KCNH8: variants seen among roughly 807,000 people sequenced by gnomAD.
KCNH8 encodes voltage-gated delayed rectifier potassium channel KCNH8.
Under a neutral mutation model 103.6 loss-of-function variants are expected in KCNH8, and 70 were observed. The observed-to-expected ratio is 0.68, with a 90% CI of 0.56 to 0.82. KCNH8 has a LOEUF of 0.82. Among genes scored for constraint, KCNH8 ranks in the 40% least tolerant of loss-of-function variants. The pLI is 0.00. For missense variants in KCNH8, 1,217 were observed against 1,329.9 expected, an observed-to-expected ratio of 0.92 and a Z score of 1.32; for synonymous variants, 498 against 489.4, an observed-to-expected ratio of 1.02 and a Z score of -0.23.
At chr3:19,431,565 T>G (rs1420948304) in intron 7 of KCNH8, among the ~76,000 whole-genome samples, 1 of 152,208 alleles carries the variant, frequency 6.6e-6, no homozygotes, top group African/African-American at 2.4e-5. Flanking sequence ...GTACCAGCTC[T>G]TCTTTGTACA....
chr3:19,167,749 C>T (rs1016794311), intron 1 of KCNH8, among the ~76,000 whole-genome samples: 5 of 152,140 alleles, frequency 3.3e-5, no homozygotes, highest in African/African-American at 2.4e-5. Flanking sequence ...AGATGCCCTG[C>T]GTCCAGTGTC....
At chr3:19,461,163 T>C (rs1347680560) in intron 11 of KCNH8, among the ~76,000 whole-genome samples, 1 of 152,158 alleles carries the variant, frequency 6.6e-6, no homozygotes, top group African/African-American at 2.4e-5. Context: ...ACCAAAAGTA[T>C]TGCTTCTTTT....
At position 19,516,467 on chromosome 3, in the gene KCNH8, A is replaced by G. The variant is rs573669039; in HGVS notation, c.2542+1039A>G. ...TGATTTATTGATTTAACTGACTTAC[A>G]TATGTTGATATTACTGTGCTTGGAC... On this transcript the variant is annotated intron_variant, in intron 14 of 15. Transcript: ENST00000328405. 3.3e-5 allele frequency among the ~76,000 whole-genome samples: 5 copies of G among 152,182 alleles called. No homozygotes were observed. In the South Asian group the frequency reaches 1.0e-3, roughly 32 times the overall value.
chr3:19,271,434 C>T (rs2064587018), intron 2 of KCNH8, among the ~76,000 whole-genome samples: 1 of 151,996 alleles, frequency 6.6e-6, no homozygotes, highest in African/African-American at 2.4e-5. Context: ...TATGTGTTTC[C>T]TTCATTTAAC....
At chr3:19,197,900 T>G (rs1454567079) in intron 1 of KCNH8, among the ~76,000 whole-genome samples, 1 of 152,120 alleles carries the variant, frequency 6.6e-6, no homozygotes, top group African/African-American at 2.4e-5. Context: ...TGTGCAGTAT[T>G]TTTTACAAAT....
At chr3:19,346,311 C>G (rs1361494882) in intron 4 of KCNH8, among the ~76,000 whole-genome samples, 1 of 152,032 alleles carries the variant, frequency 6.6e-6, no homozygotes, top group African/African-American at 2.4e-5. Context: ...CCAAAGTCTA[C>G]CTTTGGAACT....
intron 5 of KCNH8, among the ~76,000 whole-genome samples, chr3:19,349,496 G>C (rs1202508515): frequency 6.6e-6 from 1 of 152,074 alleles, no homozygotes; most frequent in African/African-American, 2.4e-5. Context: ...ATAGGGTTTT[G>C]TGAAATAATA....
intron 11 of KCNH8, among the ~76,000 whole-genome samples, chr3:19,490,241 A>G (rs997875799): frequency 6.6e-6 from 1 of 152,232 alleles, no homozygotes. Context: ...ATGTAGCAGG[A>G]TGAGCTGCAG....
intron 7 of KCNH8, among the ~76,000 whole-genome samples, chr3:19,412,141 C>A (rs929705914): frequency 6.6e-6 from 1 of 151,738 alleles, no homozygotes; most frequent in Non-Finnish European, 1.5e-5. Context: ...GACTTCAAAG[C>A]ATACTATAAG....
intron 1 of KCNH8, among the ~76,000 whole-genome samples, chr3:19,217,059 C>T (rs937758838): frequency 4.6e-5 from 7 of 152,136 alleles, no homozygotes; most frequent in African/African-American, 1.4e-4. Flanking sequence ...AGATGCACCT[C>T]GTGAGGTTAT....
At chr3:19,150,471 G>A (rs543338333) in intron 1 of KCNH8, among the ~76,000 whole-genome samples, 2 of 152,220 alleles carry the variant, frequency 1.3e-5, no homozygotes, top group South Asian at 4.1e-4. Context: ...ATTTAAAGTT[G>A]AATGAAGTGT....
At chr3:19,277,437 G>T (rs532314648) in intron 2 of KCNH8, among the ~76,000 whole-genome samples, 2 of 152,006 alleles carry the variant, frequency 1.3e-5, no homozygotes, top group Non-Finnish European at 2.9e-5. Flanking sequence ...GGTGGTGCAC[G>T]TCTGTAGTCC....
At chr3:19,374,022 C>T (rs1349334928) in intron 5 of KCNH8, among the ~76,000 whole-genome samples, 1 of 152,144 alleles carries the variant, frequency 6.6e-6, no homozygotes, top group Non-Finnish European at 1.5e-5. Flanking sequence ...GAGTGCTTTA[C>T]TTCCAAGTAC....
chr3:19,530,533 CTA>C (rs1304575499), intron 15 of KCNH8, among the ~76,000 whole-genome samples: 2 of 152,096 alleles, frequency 1.3e-5, no homozygotes, highest in African/African-American at 4.8e-5. Flanking sequence ...AGAAATATGT[CTA>C]TTAACATATC....
At chr3:19,502,712 C>T (rs2125234957) in intron 11 of KCNH8, among the ~76,000 whole-genome samples, 1 of 151,092 alleles carries the variant, frequency 6.6e-6, no homozygotes, top group South Asian at 2.1e-4. Context: ...GCTGGGAAAA[C>T]TGGCTAGCCA....
At chr3:19,338,639 G>A (rs1450448927) in intron 3 of KCNH8, among the ~76,000 whole-genome samples, 2 of 152,022 alleles carry the variant, frequency 1.3e-5, no homozygotes, top group Non-Finnish European at 2.9e-5. Flanking sequence ...CTAGCCTCTT[G>A]TGCAGCTGGT....
chr3:19,201,126 G>A (rs1171774759), intron 1 of KCNH8, among the ~76,000 whole-genome samples: 3 of 148,090 alleles, frequency 2.0e-5, no homozygotes, highest in Non-Finnish European at 1.5e-5. Context: ...CAGCTACTAG[G>A]AAGGCTGAGG....
chr3:19,318,935 G>A (rs2125302470), intron 3 of KCNH8, among the ~76,000 whole-genome samples: 2 of 151,764 alleles, frequency 1.3e-5, no homozygotes, highest in South Asian at 4.2e-4. Context: ...TATGCATGTT[G>A]GCCATTTGTA....
intron 3 of KCNH8, among the ~76,000 whole-genome samples, chr3:19,291,549 C>T (rs1243185771): frequency 3.3e-5 from 5 of 152,064 alleles, no homozygotes; most frequent in African/African-American, 4.8e-5. Flanking sequence ...TGTAGTTGAG[C>T]GGTTTTGAGT....
Sources: allele counts gnomAD v4.1 joint callset (sites outside exome capture counted in the v4.1 genomes callset), GRCh38; gene constraint gnomAD v4.1.1; transcripts MANE v1.5; gene names NCBI Gene and HGNC (gene_info 2026-07-23, HGNC 2026-07-21).